ZMYND19: variants seen among roughly 807,000 people sequenced by gnomAD.
ZMYND19 encodes the protein zinc finger MYND-type containing 19.
A neutral mutation model predicts 32.0 loss-of-function variants in ZMYND19; 17 were observed. That is an observed-to-expected ratio of 0.53 (90% confidence interval 0.36 to 0.80). The LOEUF (loss-of-function observed/expected upper bound fraction) is 0.80, where lower values mean the gene tolerates loss of function less well. Ranked by LOEUF, ZMYND19 falls within the 30% of genes least tolerant of loss-of-function variation. ZMYND19 has a pLI of 0.00. For synonymous variants in ZMYND19, 124 were observed against 113.6 expected (o/e 1.09, Z -0.58); for missense variants, 250 against 293.6 (o/e 0.85, Z 1.09).
intron 2 of ZMYND19, 98 bp downstream of exon 2, chr9:137,588,561 C>T (rs984268208): frequency 7.9e-6 from 11 of 1,391,712 alleles, no homozygotes; most frequent in East Asian, 6.9e-5. Context: ...CTTGTGGGGC[C>T]GCCTGCTCTT....
intron 4 of ZMYND19, among the ~76,000 whole-genome samples, chr9:137,586,094 C>A (rs1453632097): frequency 1.3e-5 from 2 of 152,258 alleles, no homozygotes; most frequent in African/African-American, 4.8e-5. Context: ...GAACCGCCCT[C>A]CCAGGTGGGA....
rs1477271424 is a variant in ZMYND19 at position 137,582,142 on chromosome 9, G to A, written c.*401C>T. ...CTCCCGTGCAGGCCGCGCTCCACGG[G>A]GCTCCCGGCGGCCCAGGGGAGAAGC... On this transcript the variant is annotated 3_prime_UTR_variant, in exon 6 of 6. Transcript: ENST00000298585. The A allele has an allele frequency of 6.0e-6, 1 of 167,510 alleles. No individual in the cohort carries two copies. Among genetic ancestry groups the A allele is most frequent in the African/African-American group, 2.4e-5 (1 of 41,788 alleles). The allele number at this position is 167,510 out of a possible 1,614,324, so 10.4% of individuals were successfully genotyped here.
Position 137,582,621 on chromosome 9 carries a change from C to T in ZMYND19, c.606G>A (p.Gln202=). ...GCTTCTTGTGGGCAGGCCAGTCCTTCTGCTGGCACTGGGAGCCGCAGTACC... is the reference window on the plus strand; with the variant it reads ...GCTTCTTGTGGGCAGGCCAGTCCTTTTGCTGGCACTGGGAGCCGCAGTACC... ...VARYCGSQCQ[Q]KDWPAHKKHC... is the part of the protein sequence containing the mutation. The change falls in exon 6 of 6, where the codon CAG becomes CAA. Residue 202 remains glutamine, a synonymous_variant. Coordinates refer to ENST00000298585, the MANE Select transcript of ZMYND19 (RefSeq NM_138462.3). The T allele has an allele frequency of 6.2e-7, 1 of 1,613,608 alleles. No homozygotes were observed. Among genetic ancestry groups the T allele is most frequent in the Non-Finnish European group, 8.5e-7 (1 of 1,180,036 alleles).
intron 2 of ZMYND19, 108 bp downstream of exon 2, chr9:137,588,551 C>T (rs1281218451): frequency 2.3e-6 from 3 of 1,309,468 alleles, no homozygotes; most frequent in South Asian, 1.2e-5. Context: ...CAGTTGTCCA[C>T]TTGTGGGGCC....
intron 1 of ZMYND19, chr9:137,589,412 G>A (rs1405423283): frequency 4.1e-6 from 4 of 985,318 alleles, no homozygotes; most frequent in South Asian, 4.7e-5. Context: ...ACCTGACGCC[G>A]CCTGACACTG....
intron 3 of ZMYND19, chr9:137,587,424 T>C: frequency 1.7e-6 from 1 of 583,288 alleles, no homozygotes; most frequent in Non-Finnish European, 3.0e-6. Flanking sequence ...GAGTGGTCCC[T>C]ACCATGCACA....
At chr9:137,589,887 G>C (rs532721401) in intron 1 of ZMYND19, 1 of 985,390 alleles carries the variant, frequency 1.0e-6, no homozygotes, top group Non-Finnish European at 1.2e-6. Context: ...ACCACTGGGA[G>C]GGCTCCGGGA....
Position 137,587,078 on chromosome 9 carries a change from C to T in ZMYND19, c.248G>A (p.Gly83Asp), listed in dbSNP as rs752064739. ...AGCGTTGAGGTGCACCACCTGGAAG[C>T]CCGGGGCCACGCCCCCCCGGTGCCG... ...WERHRGGVAP[G>D]FQVVHLNAVT... is the part of the protein sequence containing the mutation. The change falls in exon 4 of 6, where the codon GGC (glycine) becomes GAC (aspartate). Residue 83 changes from glycine to aspartate, a missense_variant. This residue lies in a region of ZMYND19 where 212 missense variants were observed against 218.8 expected (regional missense o/e 0.97). Transcript: ENST00000298585. 3.1e-6 allele frequency: 5 copies of T among 1,608,428 alleles called. No individual in the cohort carries two copies. Among genetic ancestry groups the T allele is most frequent in the Admixed American group, 3.3e-5 (2 of 60,030 alleles).
intron 4 of ZMYND19, among the ~76,000 whole-genome samples, chr9:137,584,265 C>T (rs1354400834): frequency 6.6e-6 from 1 of 152,232 alleles, no homozygotes; most frequent in Non-Finnish European, 1.5e-5. Context: ...CCACCCCAGG[C>T]CCACCTCCTG....
intron 1 of ZMYND19, chr9:137,589,898 G>A (rs1225256558): frequency 1.0e-6 from 1 of 985,200 alleles, no homozygotes; most frequent in Admixed American, 6.1e-5. Flanking sequence ...GGCTCCGGGA[G>A]AACGCGGCTC....
chr9:137,587,259 G>C, intron 3 of ZMYND19, 152 bp from the exon 4 acceptor site: 1 of 1,290,764 alleles, frequency 7.7e-7, no homozygotes, highest in Non-Finnish European at 1.0e-6. Flanking sequence ...GGGTACCTCA[G>C]GCGGAAGCTG....
Position 137,587,822 on chromosome 9 carries a change from G to C in ZMYND19, c.113C>G (p.Ala38Gly). Residue 38 changes from alanine (A) to glycine (G), a missense_variant and splice_region_variant, in exon 3 of 6, where the codon GCC (alanine) becomes GGC (glycine). Ala to Gly is a moderately conservative substitution (Grantham distance 60). This residue lies in a region of ZMYND19 where 212 missense variants were observed against 218.8 expected (regional missense o/e 0.97). Coordinates refer to ENST00000298585, the MANE Select transcript of ZMYND19 (RefSeq NM_138462.3). ...IPLVESYSFE[A>G]RMEVDADGNG... The stretch of plus-strand genomic sequence containing the variant: ...TCCATCTGCATCCACTTCCATTCGG[G>C]CCTGAGAAGGAACAAGGGAAAGAGC... The C allele has an allele frequency of 6.2e-7, 1 of 1,613,890 alleles. No individual in the cohort carries two copies. The highest frequency in any genetic ancestry group is 8.5e-7 in the Non-Finnish European group (1 of 1,179,824).
intron 4 of ZMYND19, among the ~76,000 whole-genome samples, chr9:137,583,730 G>T (rs983301949): frequency 1.3e-5 from 2 of 152,156 alleles, no homozygotes; most frequent in African/African-American, 4.8e-5. Context: ...CCCGTTCTCC[G>T]AAGCCAGACC....
In ZMYND19 at chr9:137,582,467, G is replaced by A; in HGVS notation, c.*76C>T. On this transcript the variant is annotated 3_prime_UTR_variant, in exon 6 of 6. Coordinates refer to ENST00000298585, the MANE Select transcript of ZMYND19 (RefSeq NM_138462.3). ...CAGCTGGCTTTTTTGGCACCTCCAG[G>A]TTCAACCACCAGTCTGTCTCTGCTG... 1 of 1,537,600 alleles carries A rather than the reference G, an allele frequency of 6.5e-7. No individual in the cohort carries two copies. Among genetic ancestry groups the A allele is most frequent in the East Asian group, 2.3e-5 (1 of 43,930 alleles).
At chr9:137,585,186 G>A (rs1440368662) in intron 4 of ZMYND19, among the ~76,000 whole-genome samples, 2 of 151,912 alleles carry the variant, frequency 1.3e-5, no homozygotes, top group Non-Finnish European at 2.9e-5. Flanking sequence ...ACTTTGGGAG[G>A]CTGAGGCAGG....
At chr9:137,583,407 C>T (rs534455270) in intron 4 of ZMYND19, among the ~76,000 whole-genome samples, 27 of 152,352 alleles carry the variant, frequency 1.8e-4, no homozygotes, top group African/African-American at 6.3e-4. Flanking sequence ...CTGGGACTGA[C>T]AGGCACACAG....
intron 4 of ZMYND19, 93 bp downstream of exon 4, chr9:137,586,874 G>A (rs1842210620): frequency 2.6e-6 from 4 of 1,538,078 alleles, no homozygotes; most frequent in East Asian, 4.5e-5. Context: ...GCTCAGAGGA[G>A]GAACAGGAGA....
At chr9:137,586,480 T>TGAG (rs34626117) in intron 4 of ZMYND19, among the ~76,000 whole-genome samples, 7 of 113,054 alleles carry the variant, frequency 6.2e-5, no homozygotes, top group East Asian at 2.5e-4. Flanking sequence ...AATCCCGAGG[T>TGAG]GAGAGAAGGA....
Position 137,582,708 on chromosome 9 carries a change from G to A in ZMYND19, c.541-22C>T, listed in dbSNP as rs138897715. ...GGAGCTGAAATACAGAACACCTGTG[G>A]CTTCACCATCATGCCTGGGACGCAG... On this transcript the variant is annotated intron_variant, in intron 5 of 5. Transcript: ENST00000298585. 114 of 1,609,272 alleles carry A rather than the reference G, an allele frequency of 7.1e-5. No homozygotes were observed. In the Middle Eastern group the frequency reaches 8.3e-4, roughly 12 times the overall value.
Sources: allele counts gnomAD v4.1 joint callset (sites outside exome capture counted in the v4.1 genomes callset), GRCh38; gene constraint gnomAD v4.1.1; regional missense constraint gnomAD v4.1.1; transcripts MANE v1.5; gene names NCBI Gene and HGNC (gene_info 2026-07-23, HGNC 2026-07-21).